The following PBX3 variants were observed in gnomAD, a reference collection of about 807,000 sequenced individuals.
PBX3 encodes the protein PBX homeobox 3.
PBX3 carries 14 observed loss-of-function variants against 48.5 expected under a neutral mutation model. The observed-to-expected ratio is 0.29, with a 90% confidence interval of 0.19 to 0.45. The LOEUF is 0.45. Among genes scored for constraint, PBX3 ranks in the 20% least tolerant of loss-of-function variants. The pLI, the probability that PBX3 is intolerant of heterozygous loss-of-function variation, is 1.00. For synonymous variants in PBX3, 210 were observed against 200.3 expected, an observed-to-expected ratio of 1.05 and a Z score of -0.41; for missense variants, 386 against 546.7, an observed-to-expected ratio of 0.71 and a Z score of 2.93.
intron 2 of PBX3, among the ~76,000 whole-genome samples, chr9:125,823,892 A>G (rs1210659924): frequency 6.6e-6 from 1 of 152,094 alleles, no homozygotes; most frequent in Non-Finnish European, 1.5e-5. Flanking sequence ...CTTGGCCAAC[A>G]TGGTGAAACC....
At chr9:125,937,080 G>A (rs1438126294) in intron 5 of PBX3, among the ~76,000 whole-genome samples, 1 of 152,114 alleles carries the variant, frequency 6.6e-6, no homozygotes, top group Non-Finnish European at 1.5e-5. Context: ...AATGTTTGTG[G>A]ATGAGTTTAA....
rs975110679 is a variant in PBX3 at position 125,874,842 on chromosome 9, C to A, written c.275-40844C>A. Among the ~76,000 whole-genome samples the A allele has an allele frequency of 4.6e-5, 7 of 152,050 alleles. No homozygotes were observed. The South Asian group carries it at 1.0e-3, about 23-fold the overall frequency. On this transcript the variant is annotated intron_variant, in intron 2 of 8. Coordinates refer to ENST00000373489, the MANE Select transcript of PBX3 (RefSeq NM_006195.6). Reference sequence around the variant, plus strand: ...TTGGAGCTCTTCTCTTAGGTAGATACCCTAGAGAAAAGTTTGCACATGTCT... The same window carrying A: ...TTGGAGCTCTTCTCTTAGGTAGATAACCTAGAGAAAAGTTTGCACATGTCT...
chr9:125,804,916 C>CTGAGATCAGGCTGAGATCAT (rs879943539), intron 2 of PBX3, among the ~76,000 whole-genome samples: 1 of 146,624 alleles, frequency 6.8e-6, no homozygotes, highest in Admixed American at 6.8e-5. Flanking sequence ...CACTGCACTC[C>CTGAGATCAGGCTGAGATCAT]AGCCTGGGTG....
At chr9:125,779,220 T>C (rs34243001) in intron 2 of PBX3, among the ~76,000 whole-genome samples, 70,710 of 141,650 alleles carry the variant, frequency 0.5, 19,451 homozygotes, top group South Asian at 0.62. Context: ...TCATCTCTGT[T>C]GTCATGTGTG....
At chr9:125,793,960 T>C (rs1001340795) in intron 2 of PBX3, among the ~76,000 whole-genome samples, 1 of 152,342 alleles carries the variant, frequency 6.6e-6, no homozygotes, top group East Asian at 1.9e-4. Flanking sequence ...AGTAATGTTA[T>C]AAACTTCTGT....
chr9:125,887,882 A>G (rs1030942439), intron 2 of PBX3, among the ~76,000 whole-genome samples: 1 of 152,180 alleles, frequency 6.6e-6, no homozygotes, highest in African/African-American at 2.4e-5. Context: ...CAAAATGCCA[A>G]TAAGAATTTT....
intron 2 of PBX3, among the ~76,000 whole-genome samples, chr9:125,814,376 C>CTA (rs1251053594): frequency 1.3e-5 from 2 of 151,764 alleles, no homozygotes; most frequent in Non-Finnish European, 2.9e-5. Flanking sequence ...GCCAGTAAAA[C>CTA]TGTAGAATGA....
intron 2 of PBX3, among the ~76,000 whole-genome samples, chr9:125,891,331 G>A (rs1399327886): frequency 6.6e-6 from 1 of 152,142 alleles, no homozygotes; most frequent in Non-Finnish European, 1.5e-5. Context: ...AATATATAAA[G>A]ATGCAACTAT....
At chr9:125,774,057 G>A (rs1837009371) in intron 2 of PBX3, among the ~76,000 whole-genome samples, 3 of 152,144 alleles carry the variant, frequency 2.0e-5, no homozygotes, top group South Asian at 4.1e-4. Context: ...AAGAAGAGAT[G>A]TTTAATTGGC....
intron 2 of PBX3, among the ~76,000 whole-genome samples, chr9:125,840,242 A>G (rs1390817554): frequency 1.3e-5 from 2 of 151,930 alleles, no homozygotes; most frequent in Non-Finnish European, 2.9e-5. Context: ...TTTTTTCAGG[A>G]TGGAGTTTTT....
At chr9:125,879,571 G>T (rs1398116298) in intron 2 of PBX3, among the ~76,000 whole-genome samples, 1 of 152,092 alleles carries the variant, frequency 6.6e-6, no homozygotes, top group East Asian at 1.9e-4. Flanking sequence ...GAAATATAGG[G>T]CTGACTTCAG....
intron 5 of PBX3, among the ~76,000 whole-genome samples, chr9:125,937,824 C>A (rs1383751982): frequency 6.6e-6 from 1 of 152,048 alleles, no homozygotes; most frequent in Non-Finnish European, 1.5e-5. Context: ...CCACACCCAG[C>A]TGATTTTTAA....
At chr9:125,792,418 A>T (rs1460544614) in intron 2 of PBX3, among the ~76,000 whole-genome samples, 1 of 152,148 alleles carries the variant, frequency 6.6e-6, no homozygotes, top group Admixed American at 6.6e-5. Flanking sequence ...GCCAGAAGGT[A>T]GGCTCTGTAG....
At chr9:125,954,965 CTG>C (rs907398002) in intron 5 of PBX3, among the ~76,000 whole-genome samples, 1 of 152,170 alleles carries the variant, frequency 6.6e-6, no homozygotes, top group African/African-American at 2.4e-5. Context: ...TGGAATAACA[CTG>C]TTTACAACTA....
chr9:125,878,972 A>T (rs1480508500), intron 2 of PBX3, among the ~76,000 whole-genome samples: 1 of 151,962 alleles, frequency 6.6e-6, no homozygotes, highest in African/African-American at 2.4e-5. Flanking sequence ...TTTCCCATGG[A>T]AGGAGTTAAA....
intron 2 of PBX3, among the ~76,000 whole-genome samples, chr9:125,780,650 C>T (rs1837252094): frequency 7.2e-6 from 1 of 138,446 alleles, no homozygotes; most frequent in Non-Finnish European, 1.6e-5. Context: ...GGCTGACCCC[C>T]CCACCTCCCT....
intron 4 of PBX3, 141 bp downstream of exon 4, chr9:125,929,986 A>C: frequency 1.5e-6 from 1 of 656,598 alleles, no homozygotes; most frequent in Non-Finnish European, 2.7e-6. Context: ...AATTCAACTC[A>C]TGGTTCCTGT....
intron 2 of PBX3, among the ~76,000 whole-genome samples, chr9:125,767,445 G>A (rs1313487832): frequency 6.6e-6 from 1 of 152,174 alleles, no homozygotes; most frequent in East Asian, 1.9e-4. Context: ...TTTCTTCCAT[G>A]TAATAGTTAA....
intron 2 of PBX3, among the ~76,000 whole-genome samples, chr9:125,903,047 C>T (rs188766232): frequency 6.6e-6 from 1 of 151,854 alleles, no homozygotes; most frequent in East Asian, 1.9e-4. Flanking sequence ...ATTTGTTATG[C>T]AATAACTTCC....
Sources: gnomAD v4.1 joint callset for allele counts (sites outside exome capture counted in the v4.1 genomes callset) on GRCh38, gnomAD v4.1.1 for gene constraint, MANE v1.5 for transcripts, NCBI Gene and HGNC (gene_info 2026-07-23, HGNC 2026-07-21) for gene names.